ZC3H3: variants seen among roughly 807,000 people sequenced by gnomAD.
ZC3H3 encodes the protein zinc finger CCCH-type containing 3.
In ZC3H3, 36 loss-of-function variants were observed where a neutral mutation model predicts 77.3. That is an observed-to-expected ratio of 0.47 (90% CI 0.36 to 0.61). The LOEUF is 0.61. Ranked by LOEUF, ZC3H3 falls within the 20% of genes least tolerant of loss-of-function variation. ZC3H3 has a pLI of 0.00. For synonymous variants in ZC3H3, 626 were observed against 555.2 expected (o/e 1.13, Z -1.79); for missense variants, 1,331 against 1,312.2 (o/e 1.01, Z -0.22).
intron 4 of ZC3H3, among the ~76,000 whole-genome samples, chr8:143,491,468 G>T (rs370198502): frequency 6.6e-6 from 1 of 152,222 alleles, no homozygotes; most frequent in East Asian, 1.9e-4. Context: ...GGGCCTGGGC[G>T]AGGCTCACAC....
chr8:143,465,280 G>A (rs572969448), intron 9 of ZC3H3, among the ~76,000 whole-genome samples: 2 of 152,206 alleles, frequency 1.3e-5, no homozygotes, highest in East Asian at 3.9e-4. Flanking sequence ...CCCAGGCTGG[G>A]TGGGAGTGTC....
chr8:143,524,756 G>T (rs1439084701), intron 3 of ZC3H3, among the ~76,000 whole-genome samples: 4 of 152,254 alleles, frequency 2.6e-5, no homozygotes, highest in African/African-American at 9.6e-5. Flanking sequence ...GCTCCCCGGG[G>T]GAACAAGAGG....
chr8:143,445,902 G>A (rs1819853118), intron 9 of ZC3H3, among the ~76,000 whole-genome samples: 1 of 152,088 alleles, frequency 6.6e-6, no homozygotes. Context: ...GAGAATAATG[G>A]TCAAGAATAG....
intron 1 of ZC3H3, among the ~76,000 whole-genome samples, chr8:143,541,104 C>G (rs1306779790): frequency 6.6e-6 from 1 of 152,192 alleles, no homozygotes; most frequent in African/African-American, 2.4e-5. Flanking sequence ...TGGGGAGGGC[C>G]GCCGCCCCCC....
chr8:143,491,534 C>A (rs900322755), intron 4 of ZC3H3, among the ~76,000 whole-genome samples: 10 of 152,268 alleles, frequency 6.6e-5, no homozygotes, highest in Admixed American at 5.2e-4. Flanking sequence ...TTGAGCCCCA[C>A]GGCTGGAGAC....
chr8:143,511,126 G>T (rs1586941076), intron 3 of ZC3H3, among the ~76,000 whole-genome samples: 1 of 152,234 alleles, frequency 6.6e-6, no homozygotes, highest in East Asian at 1.9e-4. Context: ...CATGCCCTCA[G>T]GCCGGGGACC....
rs758053909 is a variant in ZC3H3 at position 143,538,732 on chromosome 8, G to C, written c.635C>G (p.Pro212Arg). The change falls in exon 2 of 12, where the codon CCC becomes CGC. Residue 212 changes from proline (P) to arginine (R), a missense_variant. Around this residue, in one of 3 missense-constraint regions of ZC3H3, gnomAD observed 978 missense variants for 915.5 expected, o/e 1.07. Transcript: ENST00000262577. ...ACTGACTGTCCGGCGGGGCTCCCGG[G>C]GGCTGTCGCCCACACTGCCCACTGA... ...VKSVGSVGDSPREPRRTVSES... is the reference protein window; with the variant it reads ...VKSVGSVGDSRREPRRTVSES... 15 of 1,609,796 alleles carry C rather than the reference G, an allele frequency of 9.3e-6. No homozygotes were observed. The African/African-American group carries it at 1.7e-4, about 19-fold the overall frequency.
intron 3 of ZC3H3, among the ~76,000 whole-genome samples, chr8:143,522,959 G>C (rs924125256): frequency 8.5e-5 from 13 of 152,212 alleles, no homozygotes; most frequent in African/African-American, 3.1e-4. Context: ...ATTTCAGCAA[G>C]AGTCCTGTCC....
intron 9 of ZC3H3, among the ~76,000 whole-genome samples, chr8:143,463,844 G>T (rs1820334828): frequency 6.6e-6 from 1 of 152,238 alleles, no homozygotes; most frequent in African/African-American, 2.4e-5. Context: ...GCGGCATCTG[G>T]CAGAGGTTGA....
chr8:143,523,412 G>A (rs940502184), intron 3 of ZC3H3: 27 of 985,278 alleles, frequency 2.7e-5, no homozygotes, highest in East Asian at 1.1e-4. Context: ...ATGTTTTCCC[G>A]GTGCCCTGTC....
At chr8:143,505,969 A>T (rs973409945) in intron 4 of ZC3H3, among the ~76,000 whole-genome samples, 1 of 152,186 alleles carries the variant, frequency 6.6e-6, no homozygotes, top group African/African-American at 2.4e-5. Context: ...AAGGACAGGG[A>T]ACTTGGAGGG....
Position 143,441,128 on chromosome 8 carries a change from G to C in ZC3H3, c.2308-8C>G. 7.1e-7 allele frequency: 1 copy of C among 1,409,518 alleles called. No homozygotes were observed. Among genetic ancestry groups the C allele is most frequent in the Non-Finnish European group, 9.2e-7 (1 of 1,089,908 alleles). The allele number at this position is 1,409,518 out of a possible 1,614,324, so 87.3% of individuals were successfully genotyped here. ...CGTGTGTTTCTTCTTGCACTGCAGA[G>C]AGAAGGGGTGCAGGTGGGTGGGCCG... On this transcript the variant is annotated splice_region_variant and splice_polypyrimidine_tract_variant and intron_variant, in intron 9 of 11. Transcript: ENST00000262577.
rs1822580628 is a variant in ZC3H3, at chr8:143,530,900, A to T, written c.1561+5357T>A. On this transcript the variant is annotated intron_variant, in intron 3 of 11. Transcript: ENST00000262577. The surrounding 1 kb of genome is among the most constrained non-coding windows in gnomAD (Gnocchi z 4.3). ...ATCAACCCAGGCAGGTCTCTACTGC[A>T]GCCTCCAGCAAACATTACTCGCCCA... is the stretch of plus-strand genomic sequence containing the variant. 6.6e-6 allele frequency among the ~76,000 whole-genome samples: 1 copy of T among 151,360 alleles called. No homozygotes were observed. The highest frequency in any genetic ancestry group is 1.5e-5 in the Non-Finnish European group (1 of 67,918).
chr8:143,447,843 G>A (rs1051710088), intron 9 of ZC3H3, among the ~76,000 whole-genome samples: 10 of 152,190 alleles, frequency 6.6e-5, no homozygotes, highest in Non-Finnish European at 1.3e-4. Context: ...ATTAGTAACC[G>A]GCAGGGATGG....
chr8:143,488,653 G>A (rs1821113200), intron 4 of ZC3H3, among the ~76,000 whole-genome samples: 1 of 152,222 alleles, frequency 6.6e-6, no homozygotes. Flanking sequence ...GAGCCAGAGG[G>A]AAGCTTCCAG....
chr8:143,441,475 A>AGCACAGAG (rs1563831065), intron 9 of ZC3H3, among the ~76,000 whole-genome samples: 1 of 152,142 alleles, frequency 6.6e-6, no homozygotes, highest in Non-Finnish European at 1.5e-5. Context: ...CCATCCTGGC[A>AGCACAGAG]GCACAGAGGG....
chr8:143,536,970 G>A (rs1269333504), intron 2 of ZC3H3, among the ~76,000 whole-genome samples: 4 of 152,022 alleles, frequency 2.6e-5, no homozygotes, highest in Non-Finnish European at 5.9e-5. Context: ...AGTGGGAGCC[G>A]GGTGCCCATG....
chr8:143,486,370 C>A (rs558432894), intron 4 of ZC3H3, among the ~76,000 whole-genome samples: 39 of 152,368 alleles, frequency 2.6e-4, no homozygotes, highest in African/African-American at 8.7e-4. Context: ...TCTGGCAAGG[C>A]TGGTTTCTGG....
At chr8:143,454,502 T>G (rs1586880011) in intron 9 of ZC3H3, among the ~76,000 whole-genome samples, 1 of 151,038 alleles carries the variant, frequency 6.6e-6, no homozygotes, top group African/African-American at 2.4e-5. Flanking sequence ...GCCTCCCGGG[T>G]TCACGCCATT....
Sources: gnomAD v4.1 joint callset for allele counts (sites outside exome capture counted in the v4.1 genomes callset) on GRCh38, gnomAD v4.1.1 for gene constraint, gnomAD v4.1.1 regional missense constraint, Gnocchi (gnomAD v3.1) non-coding constraint, MANE v1.5 for transcripts, NCBI Gene and HGNC (gene_info 2026-07-23, HGNC 2026-07-21) for gene names.